The following HGF variants were observed in gnomAD, a reference collection of about 807,000 sequenced individuals.
The protein encoded by HGF is hepatocyte growth factor, also known as fibroblast-derived tumor cytotoxic factor.
A neutral mutation model predicts 111.6 loss-of-function variants in HGF; 39 were observed. That is an observed-to-expected ratio of 0.35 (90% CI 0.27 to 0.46). The LOEUF (loss-of-function observed/expected upper bound fraction) is 0.46. HGF is among the 20% of genes least tolerant of loss of function. The probability of loss-of-function intolerance (pLI) is 1.00; values close to 1 mark genes in which losing one functional copy is unlikely to be tolerated. For synonymous variants in HGF, 285 were observed against 294.8 expected (o/e 0.97, Z 0.34); for missense variants, 735 against 910.5 (o/e 0.81, Z 2.48).
At chr7:81,732,368 C>T (rs1209469390) in intron 7 of HGF, among the ~76,000 whole-genome samples, 1 of 152,160 alleles carries the variant, frequency 6.6e-6, no homozygotes, top group Admixed American at 6.6e-5. Flanking sequence ...TTTGTTTCCT[C>T]TACTATGTGA....
At chr7:81,719,507 C>T (rs1789799106) in intron 10 of HGF, among the ~76,000 whole-genome samples, 2 of 151,838 alleles carry the variant, frequency 1.3e-5, no homozygotes, top group African/African-American at 4.8e-5. Flanking sequence ...TAAACAGACA[C>T]CAGATTTTGA....
At chr7:81,761,555 TAA>T (rs200187303) in intron 2 of HGF, among the ~76,000 whole-genome samples, 6 of 137,032 alleles carry the variant, frequency 4.4e-5, no homozygotes, top group Admixed American at 7.3e-5. Context: ...ATGACCCTGT[TAA>T]AAAAAAAAAA....
At chr7:81,760,385 A>G (rs943387453) in intron 2 of HGF, among the ~76,000 whole-genome samples, 3 of 152,174 alleles carry the variant, frequency 2.0e-5, no homozygotes, top group Non-Finnish European at 2.9e-5. Context: ...GAATAATTTG[A>G]ATCTCTAGGA....
chr7:81,767,172 C>T (rs1289099850), intron 1 of HGF, among the ~76,000 whole-genome samples: 1 of 152,114 alleles, frequency 6.6e-6, no homozygotes, highest in East Asian at 1.9e-4. Flanking sequence ...AAAATGAACT[C>T]TCAACCATAG....
chr7:81,766,159 C>T (rs1789346944), intron 1 of HGF, among the ~76,000 whole-genome samples: 1 of 152,146 alleles, frequency 6.6e-6, no homozygotes, highest in Non-Finnish European at 1.5e-5. Flanking sequence ...AGACACATTT[C>T]TCCCTCTGGT....
At chr7:81,729,518 C>T in intron 8 of HGF, 87 bp downstream of exon 8, 2 of 1,016,604 alleles carry the variant, frequency 2.0e-6, no homozygotes, top group South Asian at 1.3e-5. Flanking sequence ...AGTTTGATCA[C>T]TAACACAAAA....
intron 1 of HGF, among the ~76,000 whole-genome samples, chr7:81,763,216 A>G (rs1307569145): frequency 6.6e-6 from 1 of 152,202 alleles, no homozygotes; most frequent in East Asian, 1.9e-4. Flanking sequence ...AGCATATCAT[A>G]TCATGCTTTA....
intron 2 of HGF, among the ~76,000 whole-genome samples, chr7:81,761,727 A>G (rs1789091391): frequency 7.0e-6 from 1 of 143,642 alleles, no homozygotes; most frequent in African/African-American, 2.5e-5. Context: ...TCACTGGCAA[A>G]GTAATAAGGC....
chr7:81,745,050 A>G lies in HGF; in HGVS notation c.696T>C (p.Cys232=). 1 of 1,614,058 alleles carries G rather than the reference A, an allele frequency of 6.2e-7. No homozygotes were observed. The highest frequency in any genetic ancestry group is 8.5e-7 in the Non-Finnish European group (1 of 1,179,958). The change falls in exon 6 of 18, where the codon TGT becomes TGC. Residue 232 remains cysteine (C), a synonymous_variant. Transcript: ENST00000222390. ...GTGGTGTCTGATGATCCCAGCGCTG[A>G]CAAATCTTGCCTGATTCTGTATGAT... is the stretch of plus-strand genomic sequence containing the variant. ...LMDHTESGKI[C]QRWDHQTPHR...
chr7:81,731,290 T>A (rs1025051896), intron 7 of HGF, among the ~76,000 whole-genome samples: 7 of 152,188 alleles, frequency 4.6e-5, no homozygotes, highest in Non-Finnish European at 7.3e-5. Context: ...TTAAAAAGTG[T>A]TTCAATGTTT....
intron 3 of HGF, among the ~76,000 whole-genome samples, chr7:81,758,327 G>C (rs537173101): frequency 6.6e-6 from 1 of 151,668 alleles, no homozygotes; most frequent in Admixed American, 6.6e-5. Flanking sequence ...AAATACTATA[G>C]CAAACTCAGA....
intron 3 of HGF, 43 bp from the exon 4 acceptor site, chr7:81,757,346 A>G (rs749712089): frequency 9.9e-6 from 10 of 1,014,858 alleles, no homozygotes; most frequent in Admixed American, 5.1e-5. Context: ...TATGCAAAAC[A>G]TATGCAGTAT....
intron 7 of HGF, 149 bp from the exon 8 acceptor site, chr7:81,729,928 T>G: frequency 1.5e-6 from 1 of 648,474 alleles, no homozygotes; most frequent in Non-Finnish European, 2.6e-6. Context: ...ATAAGAAATT[T>G]AACTTAACAT....
chr7:81,758,025 CTA>C lies in HGF; in HGVS notation c.367+665_367+666del, dbSNP rs555392514. Among the ~76,000 whole-genome samples, 211 of 152,032 alleles carry C rather than the reference CTA, an allele frequency of 1.4e-3. 1 individual carries two copies. The highest frequency in any genetic ancestry group is 5.0e-3 in the African/African-American group (206 of 41,510). ...ATTTACCCTATTAACTTGAAAACAT[CTA>C]TATATTGTACCAGGTTATGTATCTG... is the stretch of plus-strand genomic sequence containing the variant. On this transcript the variant is annotated intron_variant, in intron 3 of 17. Coordinates refer to ENST00000222390, the MANE Select transcript of HGF (RefSeq NM_000601.6).
At chr7:81,746,913 A>C (rs951573178) in intron 5 of HGF, among the ~76,000 whole-genome samples, 3 of 152,152 alleles carry the variant, frequency 2.0e-5, no homozygotes, top group African/African-American at 7.2e-5. Context: ...CCTCCTTGAG[A>C]TCCTGTTAAG....
rs769438908 is a variant in HGF at position 81,706,417 on chromosome 7, C to A, written c.1627G>T (p.Asp543Tyr). The change falls in exon 15 of 18, where the codon GAT becomes TAT. Residue 543 changes from aspartate (D) to tyrosine (Y), a missense_variant. Transcript: ENST00000222390. Reference sequence around the variant, plus strand: ...TGAATTCCAAGCCAAGCTTCATAATCTTTCAAGTCTCTGTTTTGAAGGAAA... The same window carrying A: ...TGAATTCCAAGCCAAGCTTCATAATATTTCAAGTCTCTGTTTTGAAGGAAA... ...RQCFPSRDLK[D>Y]YEAWLGIHDV... is the part of the protein sequence containing the mutation. The A allele has an allele frequency of 2.9e-5, 47 of 1,611,956 alleles. No homozygotes were observed. The East Asian group carries it at 9.8e-4, about 34-fold the overall frequency.
In HGF at chr7:81,720,620, C is replaced by A. The variant is rs544603533; in HGVS notation, c.1271+125G>T. On this transcript the variant is annotated intron_variant, in intron 10 of 17. Transcript: ENST00000222390. Reference sequence around the variant, plus strand: ...TGATGAGTTGTAAAGAAAAACCAATCTAATGCTTTTATTAGCTTACCATGA... The same window carrying A: ...TGATGAGTTGTAAAGAAAAACCAATATAATGCTTTTATTAGCTTACCATGA... The A allele has an allele frequency of 4.4e-6, 3 of 680,574 alleles. No individual in the cohort carries two copies. The African/African-American group carries it at 5.4e-5, about 12-fold the overall frequency. 42.2% of individuals were successfully genotyped at this position (680,574 alleles called of 1,614,324 possible).
In HGF at chr7:81,743,445, T is replaced by G. The variant is rs764905780; in HGVS notation, c.773A>C (p.Asn258Thr). Residue 258 changes from asparagine (N) to threonine (T), a missense_variant, in exon 7 of 18, where the codon AAT becomes ACT. Coordinates refer to ENST00000222390, the MANE Select transcript of HGF (RefSeq NM_000601.6). Reference sequence around the variant, plus strand: ...CTGGCCATCGGGATTGCGGCAATAATTATCATCAAAGCCCTTGTCGGGATA... The same window carrying G: ...CTGGCCATCGGGATTGCGGCAATAAGTATCATCAAAGCCCTTGTCGGGATA... ...ERYPDKGFDD[N>T]YCRNPDGQPR... The G allele has an allele frequency of 6.2e-7, 1 of 1,613,190 alleles. No homozygotes were observed. Among genetic ancestry groups the G allele is most frequent in the Non-Finnish European group, 8.5e-7 (1 of 1,179,190 alleles).
At chr7:81,707,061 C>T (rs1327386526) in intron 14 of HGF, among the ~76,000 whole-genome samples, 1 of 151,570 alleles carries the variant, frequency 6.6e-6, no homozygotes, top group African/African-American at 2.4e-5. Flanking sequence ...CAAAATTTTC[C>T]CCAACTGAGG....
Sources: gnomAD v4.1 joint callset for allele counts (sites outside exome capture counted in the v4.1 genomes callset) on GRCh38, gnomAD v4.1.1 for gene constraint, MANE v1.5 for transcripts, NCBI Gene and HGNC (gene_info 2026-07-23, HGNC 2026-07-21) for gene names.